PDSS1: variants seen among roughly 807,000 people sequenced by gnomAD.
PDSS1 encodes the protein all trans-polyprenyl-diphosphate synthase PDSS1.
In PDSS1, 43 loss-of-function variants were observed where a neutral mutation model predicts 57.5. The ratio of observed to expected loss-of-function variants is 0.75; its 90% confidence interval spans 0.59 to 0.96. The LOEUF is 0.96. Among genes scored for constraint, PDSS1 ranks in the 50% least tolerant of loss-of-function variants. The pLI is 0.00. For synonymous variants in PDSS1, 175 were observed against 191.3 expected (o/e 0.91, Z 0.70); for missense variants, 438 against 527.8 (o/e 0.83, Z 1.67).
chr10:26,719,748 A>G (rs1482983717), intron 5 of PDSS1, among the ~76,000 whole-genome samples: 1 of 152,220 alleles, frequency 6.6e-6, no homozygotes, highest in African/African-American at 2.4e-5. Flanking sequence ...CCTGGGTGAC[A>G]GAGCGAGACC....
intron 8 of PDSS1, among the ~76,000 whole-genome samples, chr10:26,731,116 C>A (rs1045361905): frequency 2.0e-5 from 3 of 152,080 alleles, no homozygotes; most frequent in African/African-American, 7.2e-5. Context: ...CCAAAGCAGG[C>A]GGATCACTTG....
At chr10:26,699,558 C>A (rs1834979754) in intron 1 of PDSS1, among the ~76,000 whole-genome samples, 4 of 151,968 alleles carry the variant, frequency 2.6e-5, no homozygotes, top group Admixed American at 2.6e-4. Flanking sequence ...CGACCCCCAG[C>A]TAATTTTTGT....
chr10:26,728,227 G>A (rs1217247694), intron 8 of PDSS1, among the ~76,000 whole-genome samples: 7 of 152,030 alleles, frequency 4.6e-5, no homozygotes, highest in African/African-American at 1.4e-4. Context: ...CATGGTGGCG[G>A]GCACCTGTAA....
rs551423719 is a variant in PDSS1, at chr10:26,716,690, CA to C, written c.468-3516del. On this transcript the variant is annotated intron_variant, in intron 5 of 11. Transcript: ENST00000376215. Reference sequence around the variant, plus strand: ...TGGGTGAAAGAGCAAGACTCCATCTCAAAAAAAAAAAAGATAATTTTTTAAA... The same window carrying C: ...TGGGTGAAAGAGCAAGACTCCATCTCAAAAAAAAAAAGATAATTTTTTAAA... Among the ~76,000 whole-genome samples, 145 of 137,560 alleles carry C rather than the reference CA, an allele frequency of 1.1e-3. No individual in the cohort carries two copies. In the Middle Eastern group the frequency reaches 0.015, roughly 14 times the overall value. The allele number at this position is 137,560 out of a possible 152,430, so 90.2% of individuals were successfully genotyped here.
chr10:26,701,852 A>T (rs932427778), intron 1 of PDSS1: 1 of 454,750 alleles, frequency 2.2e-6, no homozygotes, highest in Non-Finnish European at 4.4e-6. Flanking sequence ...GCACCTGGAA[A>T]AGCTGCAGGC....
At chr10:26,741,446 G>A (rs1382265158) in intron 10 of PDSS1, among the ~76,000 whole-genome samples, 1 of 152,088 alleles carries the variant, frequency 6.6e-6, no homozygotes, top group African/African-American at 2.4e-5. Context: ...TCGTGCCACT[G>A]CACCACTCCA....
intron 5 of PDSS1, among the ~76,000 whole-genome samples, chr10:26,719,245 G>C (rs12246860): frequency 0.021 from 3,138 of 152,266 alleles, 107 homozygotes; most frequent in African/African-American, 0.071. Context: ...TTTAAAAATT[G>C]CCATAGATGA....
chr10:26,713,292 A>G lies in PDSS1; in HGVS notation c.467+3524A>G, dbSNP rs1406296044. Among the ~76,000 whole-genome samples, 3 of 152,092 alleles carry G rather than the reference A, an allele frequency of 2.0e-5. No individual in the cohort carries two copies. In the East Asian group the frequency reaches 5.8e-4, roughly 29 times the overall value. On this transcript the variant is annotated intron_variant, in intron 5 of 11. Coordinates refer to ENST00000376215, the MANE Select transcript of PDSS1 (RefSeq NM_014317.5). ...GGGAACAGAGCAAGACTCCGTCTCA[A>G]AAAAACCAAACAAAACAAAAAACAT... is the stretch of plus-strand genomic sequence containing the variant.
intron 1 of PDSS1, chr10:26,701,942 G>A (rs1020776149): frequency 4.7e-6 from 2 of 425,690 alleles, no homozygotes; most frequent in Non-Finnish European, 9.4e-6. Context: ...AAGTTCTTGG[G>A]AGCCCACCCT....
chr10:26,746,501 A>G lies in PDSS1; in HGVS notation c.*28A>G, dbSNP rs749681029. ...ACTCTTTCTGTTCTTTCTGGCAGCT[A>G]TCTTACCAGACTGTGCCTAAAGAAT... is the stretch of plus-strand genomic sequence containing the variant. On this transcript the variant is annotated 3_prime_UTR_variant, in exon 12 of 12. Coordinates refer to ENST00000376215, the MANE Select transcript of PDSS1 (RefSeq NM_014317.5). 8.7e-6 allele frequency: 14 copies of G among 1,611,704 alleles called. No homozygotes were observed. Among genetic ancestry groups the G allele is most frequent in the Admixed American group, 5.0e-5 (3 of 60,006 alleles).
chr10:26,744,181 T>C (rs775067717), intron 11 of PDSS1, among the ~76,000 whole-genome samples: 26 of 152,100 alleles, frequency 1.7e-4, no homozygotes, highest in Non-Finnish European at 3.5e-4. Flanking sequence ...AGTGGTCACT[T>C]ATGCTAGAAA....
At chr10:26,726,009 A>G (rs149545189) in intron 8 of PDSS1, among the ~76,000 whole-genome samples, 2 of 152,352 alleles carry the variant, frequency 1.3e-5, no homozygotes, top group East Asian at 3.9e-4. Context: ...TGCACCATGC[A>G]GACATCCTGC....
At chr10:26,705,845 A>G (rs566159436) in intron 4 of PDSS1, among the ~76,000 whole-genome samples, 6 of 152,364 alleles carry the variant, frequency 3.9e-5, no homozygotes, top group South Asian at 4.1e-4. Flanking sequence ...AAGAATACAT[A>G]TGACCCAGTG....
Position 26,742,620 on chromosome 10 carries a change from G to A in PDSS1, c.1107+43G>A, listed in dbSNP as rs770278017. The A allele has an allele frequency of 2.5e-5, 30 of 1,206,314 alleles. No individual in the cohort carries two copies. In the Middle Eastern group the frequency reaches 5.6e-4, roughly 23 times the overall value. 74.7% of individuals were successfully genotyped at this position (1,206,314 alleles called of 1,614,324 possible). On this transcript the variant is annotated intron_variant, in intron 11 of 11. Transcript: ENST00000376215. ...AAAAAAAGGCAGCAGCAGGAACAAC[G>A]TGGCAAAATCCTTTAATCCAAAAAT...
intron 5 of PDSS1, among the ~76,000 whole-genome samples, chr10:26,719,231 A>G (rs1835701577): frequency 2.0e-5 from 3 of 152,220 alleles, no homozygotes; most frequent in Admixed American, 2.0e-4. Flanking sequence ...CTTGAAATTT[A>G]GTTTTTAAAA....
In PDSS1 at chr10:26,737,354, G is replaced by A. The variant is rs552505470; in HGVS notation, c.1026+1775G>A. Among the ~76,000 whole-genome samples the A allele has an allele frequency of 9.9e-5, 15 of 152,244 alleles. No individual in the cohort carries two copies. In the South Asian group the frequency reaches 3.1e-3, roughly 32 times the overall value. On this transcript the variant is annotated intron_variant, in intron 10 of 11. Coordinates refer to ENST00000376215, the MANE Select transcript of PDSS1 (RefSeq NM_014317.5). ...ACTTACTTTCCCCTACACACACAAAGGAGTAATGGCTATCTCTGCTTTCAT... is the reference window on the plus strand; with the variant it reads ...ACTTACTTTCCCCTACACACACAAAAGAGTAATGGCTATCTCTGCTTTCAT...
chr10:26,745,182 AT>A (rs1836793165), intron 11 of PDSS1, among the ~76,000 whole-genome samples: 2 of 152,184 alleles, frequency 1.3e-5, no homozygotes, highest in African/African-American at 4.8e-5. Context: ...TTTAAAAAAA[AT>A]AAATAAATGT....
chr10:26,724,873 T>G (rs1835902689), intron 8 of PDSS1, among the ~76,000 whole-genome samples: 1 of 152,206 alleles, frequency 6.6e-6, no homozygotes, highest in Non-Finnish European at 1.5e-5. Flanking sequence ...CCATTGCACC[T>G]GGCCAATACA....
chr10:26,743,471 C>G (rs536885137), intron 11 of PDSS1, among the ~76,000 whole-genome samples: 1 of 152,322 alleles, frequency 6.6e-6, no homozygotes, highest in African/African-American at 2.4e-5. Flanking sequence ...TCTTAACTGA[C>G]TATACTGTTA....
Sources: allele counts gnomAD v4.1 joint callset (sites outside exome capture counted in the v4.1 genomes callset), GRCh38; gene constraint gnomAD v4.1.1; transcripts MANE v1.5; gene names NCBI Gene and HGNC (gene_info 2026-07-23, HGNC 2026-07-21).